TRDN: variants seen among roughly 807,000 people sequenced by gnomAD.
The protein encoded by TRDN is triadin in skeletal muscle.
In TRDN, 161 loss-of-function variants were observed where a neutral mutation model predicts 149.7. That is an observed-to-expected ratio of 1.08 (90% CI 0.95 to 1.23). The LOEUF is 1.23. Ranked by LOEUF, TRDN falls within the 50% of genes most tolerant of loss-of-function variation. The pLI, the probability that TRDN is intolerant of heterozygous loss-of-function variation, is 0.00. For missense variants in TRDN, 896 were observed against 823.5 expected (o/e 1.09, Z -1.08); for synonymous variants, 294 against 250.5 (o/e 1.17, Z -1.64).
intron 12 of TRDN, among the ~76,000 whole-genome samples, chr6:123,429,765 C>T (rs1774257654): frequency 6.6e-6 from 1 of 152,228 alleles, no homozygotes; most frequent in East Asian, 1.9e-4. Context: ...TGTATAATTA[C>T]ATTATTTTAT....
Position 123,267,442 on chromosome 6 carries a change from T to C in TRDN, c.1783+265A>G, listed in dbSNP as rs557068800. On this transcript the variant is annotated intron_variant, in intron 32 of 40. Coordinates refer to ENST00000334268, the MANE Select transcript of TRDN (RefSeq NM_006073.4). ...ATTAATACTGACAACAGTGAAATACTGAATATTTTGGAAGGAACTTGTGAA... is the reference window on the plus strand; with the variant it reads ...ATTAATACTGACAACAGTGAAATACCGAATATTTTGGAAGGAACTTGTGAA... Among the ~76,000 whole-genome samples, 9 of 152,194 alleles carry C rather than the reference T, an allele frequency of 5.9e-5. No individual in the cohort carries two copies. In the South Asian group the frequency reaches 1.9e-3, roughly 32 times the overall value.
chr6:123,586,268 G>A (rs995168577), intron 1 of TRDN, among the ~76,000 whole-genome samples: 36 of 152,142 alleles, frequency 2.4e-4, no homozygotes, highest in African/African-American at 8.7e-4. Flanking sequence ...GGTGTGAGGA[G>A]GGGAGATGAT....
chr6:123,559,932 C>G (rs1012657773), intron 2 of TRDN, among the ~76,000 whole-genome samples: 1 of 152,138 alleles, frequency 6.6e-6, no homozygotes, highest in Non-Finnish European at 1.5e-5. Flanking sequence ...TCTGCTTTCC[C>G]TTAGACTGAC....
At chr6:123,381,224 T>G (rs1333883688) in intron 16 of TRDN, 146 bp downstream of exon 16, 10 of 722,236 alleles carry the variant, frequency 1.4e-5, no homozygotes, top group Admixed American at 2.7e-5. Flanking sequence ...AGACTGTGTA[T>G]TTTTTCACTT....
At chr6:123,547,276 C>A in intron 4 of TRDN, 64 bp downstream of exon 4, 1 of 979,150 alleles carries the variant, frequency 1.0e-6, no homozygotes, top group South Asian at 2.0e-5. Context: ...ATATTTGAAC[C>A]ATGCTGAAAA....
intron 24 of TRDN, among the ~76,000 whole-genome samples, chr6:123,287,089 GA>G (rs964313090): frequency 2.0e-5 from 3 of 152,136 alleles, no homozygotes; most frequent in Non-Finnish European, 4.4e-5. Flanking sequence ...AAGAAGCACA[GA>G]AAGAGTGCAA....
intron 38 of TRDN, among the ~76,000 whole-genome samples, chr6:123,247,739 G>GAA (rs1408931596): frequency 6.6e-6 from 1 of 151,982 alleles, no homozygotes; most frequent in East Asian, 1.9e-4. Context: ...CACAGAATTA[G>GAA]AAAAACTACT....
At chr6:123,374,040 G>C (rs1781417957) in intron 19 of TRDN, among the ~76,000 whole-genome samples, 1 of 152,160 alleles carries the variant, frequency 6.6e-6, no homozygotes, top group Non-Finnish European at 1.5e-5. Flanking sequence ...AATTTAAGCA[G>C]TTTGTGAATT....
chr6:123,268,292 C>T (rs907327585), intron 31 of TRDN, among the ~76,000 whole-genome samples: 2 of 151,960 alleles, frequency 1.3e-5, no homozygotes, highest in African/African-American at 4.8e-5. Flanking sequence ...CCTCCCTTTC[C>T]AGGTTTTCTT....
intron 23 of TRDN, among the ~76,000 whole-genome samples, chr6:123,328,236 A>C (rs1483590307): frequency 6.6e-6 from 1 of 152,152 alleles, no homozygotes; most frequent in South Asian, 2.1e-4. Flanking sequence ...AGGGGATGGG[A>C]CTGATGCATG....
intron 4 of TRDN, among the ~76,000 whole-genome samples, chr6:123,533,896 T>TA (rs1210658470): frequency 2.6e-5 from 4 of 152,136 alleles, no homozygotes; most frequent in Non-Finnish European, 5.9e-5. Flanking sequence ...AAAATTAGAC[T>TA]AAAAAATGGC....
At chr6:123,272,609 T>A (rs1281997960) in intron 29 of TRDN, among the ~76,000 whole-genome samples, 1 of 151,948 alleles carries the variant, frequency 6.6e-6, no homozygotes, top group African/African-American at 2.4e-5. Flanking sequence ...TCTAAAATGA[T>A]CATATTTTAA....
intron 10 of TRDN, among the ~76,000 whole-genome samples, chr6:123,443,677 A>G (rs535078053): frequency 6.6e-6 from 1 of 151,774 alleles, no homozygotes; most frequent in East Asian, 1.9e-4. Flanking sequence ...TCTTTAATCC[A>G]TCTTGAATTG....
chr6:123,634,997 A>G (rs955917018), intron 1 of TRDN, among the ~76,000 whole-genome samples: 4 of 151,966 alleles, frequency 2.6e-5, no homozygotes, highest in African/African-American at 9.7e-5. Context: ...TTTCCTGTAA[A>G]AAGTCTTTTG....
chr6:123,509,947 C>T (rs1021742265), intron 7 of TRDN: 2 of 152,148 alleles, frequency 1.3e-5, no homozygotes, highest in Admixed American at 1.3e-4. Flanking sequence ...AAATGTTTTT[C>T]TCTCTCTCTA....
intron 40 of TRDN, among the ~76,000 whole-genome samples, chr6:123,220,079 T>G (rs1055953640): frequency 6.6e-6 from 1 of 151,930 alleles, no homozygotes; most frequent in African/African-American, 2.4e-5. Context: ...AAGACGAAGA[T>G]AGCAAATATC....
chr6:123,375,589 A>C lies in TRDN; in HGVS notation c.1273+16T>G, dbSNP rs1055067085. 1.2e-5 allele frequency: 19 copies of C among 1,532,478 alleles called. No individual in the cohort carries two copies. The African/African-American group carries it at 2.7e-4, about 21-fold the overall frequency. The allele number at this position is 1,532,478 out of a possible 1,614,324, so 94.9% of individuals were successfully genotyped here. A position where few individuals can be genotyped will look rare whatever the true frequency, so the allele number is the denominator to read the frequency against. Reference sequence around the variant, plus strand: ...TGCCCAAATATGCTCTTCTTTAAAAATTTTGTTCAACATACTTGCTTTTAC... The same window carrying C: ...TGCCCAAATATGCTCTTCTTTAAAACTTTTGTTCAACATACTTGCTTTTAC... On this transcript the variant is annotated intron_variant, in intron 19 of 40. Transcript: ENST00000334268.
intron 38 of TRDN, among the ~76,000 whole-genome samples, chr6:123,226,800 G>A (rs570729501): frequency 1.4e-4 from 21 of 151,956 alleles, no homozygotes; most frequent in African/African-American, 1.9e-4. Flanking sequence ...CTCTGAGAAG[G>A]TAGAATCATG....
intron 29 of TRDN, 63 bp downstream of exon 29, chr6:123,272,901 C>T (rs111272313): frequency 1.3e-5 from 16 of 1,200,330 alleles, no homozygotes; most frequent in African/African-American, 1.3e-4. Context: ...CTAAACTCTT[C>T]CTTCTGCTAA....
Sources: allele counts gnomAD v4.1 joint callset (sites outside exome capture counted in the v4.1 genomes callset), GRCh38; gene constraint gnomAD v4.1.1; transcripts MANE v1.5; gene names NCBI Gene and HGNC (gene_info 2026-07-23, HGNC 2026-07-21).